SPATA13: variants seen among roughly 807,000 people sequenced by gnomAD.
SPATA13 encodes the protein spermatogenesis associated 13, also known as spermatogenesis-associated protein 13.
A neutral mutation model predicts 104.0 loss-of-function variants in SPATA13; 50 were observed. The observed-to-expected ratio is 0.48, with a 90% confidence interval of 0.38 to 0.61. The LOEUF (loss-of-function observed/expected upper bound fraction) is 0.61, where lower values mean the gene tolerates loss of function less well. Ranked by LOEUF, SPATA13 falls within the 20% of genes least tolerant of loss-of-function variation. The pLI is 0.00. For synonymous variants in SPATA13, 606 were observed against 667.5 expected, an observed-to-expected ratio of 0.91 and a Z score of 1.42; for missense variants, 1,524 against 1,690.6, an observed-to-expected ratio of 0.90 and a Z score of 1.73.
chr13:24,084,576 G>A (rs1879659174), intron 3 of SPATA13, among the ~76,000 whole-genome samples: 2 of 152,168 alleles, frequency 1.3e-5, no homozygotes, highest in Non-Finnish European at 2.9e-5. Context: ...TTCTTCAGCT[G>A]GAGATGAATT....
intron 12 of SPATA13, among the ~76,000 whole-genome samples, chr13:24,301,712 C>T (rs1035005233): frequency 6.6e-6 from 1 of 152,220 alleles, no homozygotes; most frequent in Non-Finnish European, 1.5e-5. Context: ...GGCCTTCCTG[C>T]TTTCAGGGCC....
rs561039339 is a variant in SPATA13 at position 24,296,003 on chromosome 13, A to G, written c.3210+1135A>G. On this transcript the variant is annotated intron_variant, in intron 10 of 12. Coordinates refer to ENST00000382108, the MANE Select transcript of SPATA13 (RefSeq NM_001166271.3). Reference sequence around the variant, plus strand: ...TACCGCCATTAAATTAAGAACAACAAGCAGATGCCATTCAGATTGTTTTTA... The same window carrying G: ...TACCGCCATTAAATTAAGAACAACAGGCAGATGCCATTCAGATTGTTTTTA... Among the ~76,000 whole-genome samples the G allele has an allele frequency of 2.0e-5, 3 of 152,292 alleles. No homozygotes were observed. In the East Asian group the frequency reaches 5.8e-4, roughly 29 times the overall value.
At chr13:24,248,098 T>C (rs1275754090) in intron 2 of SPATA13, among the ~76,000 whole-genome samples, 3 of 152,206 alleles carry the variant, frequency 2.0e-5, no homozygotes, top group Admixed American at 2.0e-4. Flanking sequence ...ACGGAGGGCA[T>C]GCAGGCAGGG....
chr13:24,119,825 A>G (rs1880977013), intron 3 of SPATA13, among the ~76,000 whole-genome samples: 1 of 152,340 alleles, frequency 6.6e-6, no homozygotes, highest in Admixed American at 6.5e-5. Flanking sequence ...CCCACCGTGC[A>G]TGGCAGGCAG....
At chr13:24,040,145 A>C (rs1348544256) in intron 3 of SPATA13, among the ~76,000 whole-genome samples, 1 of 152,232 alleles carries the variant, frequency 6.6e-6, no homozygotes, top group Non-Finnish European at 1.5e-5. Flanking sequence ...CAGGCTTGAG[A>C]TGCTGGGTGG....
intron 3 of SPATA13, among the ~76,000 whole-genome samples, chr13:24,040,099 C>A (rs1877860005): frequency 6.6e-6 from 1 of 152,226 alleles, no homozygotes; most frequent in Non-Finnish European, 1.5e-5. Context: ...AAAACTTCCA[C>A]TAAAGGCCAT....
Position 24,290,676 on chromosome 13 carries a change from G to A in SPATA13, c.2872G>A (p.Glu958Lys), listed in dbSNP as rs1346110428. The change falls in exon 9 of 13, where the codon GAG becomes AAG. Residue 958 changes from glutamate to lysine, a missense_variant. Around this residue, in one of 2 missense-constraint regions of SPATA13, gnomAD observed 435 missense variants for 554.8 expected, o/e 0.78. Coordinates refer to ENST00000382108, the MANE Select transcript of SPATA13 (RefSeq NM_001166271.3). Reference sequence around the variant, plus strand: ...GCAAGAGGGCTTTGCCATCTATTCCGAGTACTGCAACAACCACCCGGGCGC... The same window carrying A: ...GCAAGAGGGCTTTGCCATCTATTCCAAGTACTGCAACAACCACCCGGGCGC... ...QNQEGFAIYS[E>K]YCNNHPGACL... The A allele has an allele frequency of 5.0e-6, 8 of 1,614,004 alleles. No homozygotes were observed. Among genetic ancestry groups the A allele is most frequent in the African/African-American group, 2.7e-5 (2 of 74,912 alleles).
chr13:24,270,664 C>T (rs1874530688), intron 4 of SPATA13: 1 of 1,342,304 alleles, frequency 7.4e-7, no homozygotes, highest in Non-Finnish European at 1.0e-6. Flanking sequence ...CCCTTGGTCA[C>T]ACGGAGTGTG....
intron 2 of SPATA13, chr13:24,017,611 G>C (rs1460838297): frequency 1.1e-6 from 1 of 949,160 alleles, no homozygotes; most frequent in East Asian, 1.2e-4. Flanking sequence ...TTTAACCTCA[G>C]CTAACCTGTT....
At chr13:24,243,590 G>C (rs528838920) in intron 2 of SPATA13, among the ~76,000 whole-genome samples, 3 of 152,242 alleles carry the variant, frequency 2.0e-5, no homozygotes, top group Admixed American at 2.0e-4. Flanking sequence ...TTTTAGCCCT[G>C]GTGTCTTAAT....
intron 1 of SPATA13, among the ~76,000 whole-genome samples, chr13:24,170,714 G>A (rs574974913): frequency 1.3e-5 from 2 of 152,086 alleles, no homozygotes; most frequent in East Asian, 1.9e-4. Context: ...CAAAGAGACT[G>A]GTTTAGCAAG....
chr13:24,096,637 G>A (rs904867915), intron 3 of SPATA13, among the ~76,000 whole-genome samples: 7 of 152,086 alleles, frequency 4.6e-5, no homozygotes, highest in Non-Finnish European at 8.8e-5. Context: ...CAGGTATGGA[G>A]AAGCCATAGA....
At chr13:23,989,994 T>C (rs1156390319) in intron 2 of SPATA13, among the ~76,000 whole-genome samples, 2 of 152,158 alleles carry the variant, frequency 1.3e-5, no homozygotes, top group Non-Finnish European at 2.9e-5. Context: ...CAGAGATAAA[T>C]ATCTGTTGTT....
At position 24,172,710 on chromosome 13, in the gene SPATA13, C is replaced by T. The variant is rs185263842; in HGVS notation, c.-112+11778C>T. 7.6e-4 allele frequency among the ~76,000 whole-genome samples: 116 copies of T among 152,308 alleles called. 3 individuals carry two copies. The South Asian group carries it at 0.02, about 26-fold the overall frequency. On this transcript the variant is annotated intron_variant, in intron 1 of 12. Coordinates refer to ENST00000382108, the MANE Select transcript of SPATA13 (RefSeq NM_001166271.3). ...GGCTTATTTACTCTGTTCTTTTGAT[C>T]TATATGTCTATACCTCAGCCAGTAT...
intron 4 of SPATA13, 124 bp downstream of exon 4, chr13:24,251,986 A>G: frequency 8.2e-7 from 1 of 1,214,526 alleles, no homozygotes; most frequent in Non-Finnish European, 1.1e-6. Flanking sequence ...TTTGTCTGGG[A>G]GTGAGGACGG....
chr13:24,270,983 A>T, intron 4 of SPATA13: 2 of 1,115,848 alleles, frequency 1.8e-6, no homozygotes, highest in Admixed American at 1.7e-5. Context: ...CCCAAGTTGC[A>T]GTTCTTCCCC....
intron 1 of SPATA13, among the ~76,000 whole-genome samples, chr13:24,166,515 A>G (rs1882738676): frequency 6.6e-6 from 1 of 152,124 alleles, no homozygotes; most frequent in African/African-American, 2.4e-5. Flanking sequence ...GGGACCCTTG[A>G]ACATCTGTAT....
chr13:24,292,293 A>G (rs1566198456), intron 9 of SPATA13, among the ~76,000 whole-genome samples: 1 of 152,252 alleles, frequency 6.6e-6, no homozygotes, highest in Non-Finnish European at 1.5e-5. Context: ...ATCACAGCAC[A>G]GCCCAGCTGT....
intron 2 of SPATA13, among the ~76,000 whole-genome samples, chr13:24,014,594 A>T (rs1330601431): frequency 1.3e-5 from 2 of 152,348 alleles, no homozygotes; most frequent in Middle Eastern, 3.4e-3. Context: ...CATTAAGTGC[A>T]AGTGGATCAT....
Sources: gnomAD v4.1 joint callset for allele counts (sites outside exome capture counted in the v4.1 genomes callset) on GRCh38, gnomAD v4.1.1 for gene constraint, gnomAD v4.1.1 regional missense constraint, MANE v1.5 for transcripts, NCBI Gene and HGNC (gene_info 2026-07-23, HGNC 2026-07-21) for gene names.